CAPNS1: variants seen among roughly 807,000 people sequenced by gnomAD.
CAPNS1 encodes calpain small subunit 1.
A neutral mutation model predicts 39.2 loss-of-function variants in CAPNS1; 32 were observed. The observed-to-expected ratio is 0.82, with a 90% CI of 0.62 to 1.10. The LOEUF is 1.10. CAPNS1 is among the 50% of genes least tolerant of loss of function. CAPNS1 has a pLI of 0.00. For synonymous variants in CAPNS1, 153 were observed against 136.2 expected (o/e 1.12, Z -0.86); for missense variants, 353 against 373.1 (o/e 0.95, Z 0.44).
Position 36,150,245 on chromosome 19 carries a change from C to T in CAPNS1, c.*406C>T. Reference sequence around the variant, plus strand: ...CCTTCACGGTTGCTACCCAGGCGGCCAAGCTCCAGACCGTGCCAGACCCAG... The same window carrying T: ...CCTTCACGGTTGCTACCCAGGCGGCTAAGCTCCAGACCGTGCCAGACCCAG... On this transcript the variant is annotated 3_prime_UTR_variant, in exon 11 of 11. Transcript: ENST00000246533. 5.5e-6 allele frequency: 1 copy of T among 181,112 alleles called. No individual in the cohort carries two copies. 11.2% of individuals were successfully genotyped at this position (181,112 alleles called of 1,614,324 possible). A position where few individuals can be genotyped will look rare whatever the true frequency, so the allele number is the denominator to read the frequency against.
Position 36,142,657 on chromosome 19 carries a change from A to G in CAPNS1, c.249A>G (p.Pro83=), listed in dbSNP as rs116114216. ...GAGCTCTCCTCCCTTTGCAGCCCCC[A>G]CGCACACATTACTCCAACATTGAGG... is the stretch of plus-strand genomic sequence containing the variant. ...AAQYNPEPPP[P]RTHYSNIEAN... Residue 83 remains proline (P), a synonymous_variant, in exon 4 of 11, where the codon CCA becomes CCG. Transcript: ENST00000246533. 86 of 1,613,548 alleles carry G rather than the reference A, an allele frequency of 5.3e-5. No individual in the cohort carries two copies. Among genetic ancestry groups the G allele is most frequent in the Middle Eastern group, 3.3e-4 (2 of 6,062 alleles).
chr19:36,141,056 CG>C lies in CAPNS1; in HGVS notation c.50del (p.Gly17GlufsTer16). The stretch of plus-strand genomic sequence containing the variant: ...TCTTGAAGGGCGGCGGCGGCGGCGG[CG>C]GGGGAGGCGGGGGCCTGGGTGGGGG... Reference protein sequence around the residue: ...SFLKGGGGGGGGGGGLGGGLG... With the variant: ...SFLKGGGGGGXGGGGLGGGLG... On this transcript the variant is annotated frameshift_variant, in exon 2 of 11. Transcript: ENST00000246533. LOFTEE classifies it high-confidence loss of function. 1 of 552,604 alleles carries C rather than the reference CG, an allele frequency of 1.8e-6. No individual in the cohort carries two copies. Among genetic ancestry groups the C allele is most frequent in the Non-Finnish European group, 3.0e-6 (1 of 337,470 alleles). The allele number at this position is 552,604 out of a possible 1,614,324, so 34.2% of individuals were successfully genotyped here.
chr19:36,142,355 AC>A, intron 3 of CAPNS1, 22 bp downstream of exon 3: 6 of 1,328,362 alleles, frequency 4.5e-6, no homozygotes, highest in Non-Finnish European at 6.2e-6. Context: ...CTGCAACCAG[AC>A]CCCCTTCTCC....
At position 36,141,065 on chromosome 19, in the gene CAPNS1, CGGGGGCCTGGGT is replaced by C. The variant is rs760030225; in HGVS notation, c.66_77del (p.Gly23_Gly26del). 35 of 524,270 alleles carry C rather than the reference CGGGGGCCTGGGT, an allele frequency of 6.7e-5. No individual in the cohort carries two copies. The highest frequency in any genetic ancestry group is 9.9e-5 in the Non-Finnish European group (31 of 313,358). The allele number at this position is 524,270 out of a possible 1,614,324, so 32.5% of individuals were successfully genotyped here. A position where few individuals can be genotyped will look rare whatever the true frequency, so the allele number is the denominator to read the frequency against. Reference sequence around the variant, plus strand: ...GCGGCGGCGGCGGCGGCGGGGGAGGCGGGGGCCTGGGTGGGGGCCTGGGAAATGTGCTTGGAG... The same window carrying C: ...GCGGCGGCGGCGGCGGCGGGGGAGGCGGGGGCCTGGGAAATGTGCTTGGAG... On this transcript the variant is annotated inframe_deletion, in exon 2 of 11. Coordinates refer to ENST00000246533, the MANE Select transcript of CAPNS1 (RefSeq NM_001749.4).
rs552894116 is a variant in CAPNS1, at chr19:36,145,418, TG to T, written c.457-386del. The T allele has an allele frequency of 4.1e-3, 792 of 194,458 alleles. 11 individuals are homozygous for T. The highest frequency in any genetic ancestry group is 5.5e-3 in the Non-Finnish European group (505 of 92,618). 12.0% of individuals were successfully genotyped at this position (194,458 alleles called of 1,614,324 possible). A position where few individuals can be genotyped will look rare whatever the true frequency, so the allele number is the denominator to read the frequency against. On this transcript the variant is annotated intron_variant, in intron 6 of 10. Coordinates refer to ENST00000246533, the MANE Select transcript of CAPNS1 (RefSeq NM_001749.4). ...CGGGATTTCATCATGTTGGCCAGGC[TG>T]GTCTCGAACTCCTGACCTCAAGTGA...
chr19:36,140,898 T>A, intron 1 of CAPNS1, 99 bp from the exon 2 acceptor site: 1 of 1,556,022 alleles, frequency 6.4e-7, no homozygotes, highest in South Asian at 1.1e-5. Context: ...ACCCGGAGGC[T>A]TCAGATTCCT....
In CAPNS1 at chr19:36,142,333, G is replaced by T. The variant is rs751850033; in HGVS notation, c.243G>T (p.Pro81=). 2.1e-6 allele frequency: 3 copies of T among 1,461,420 alleles called. No individual in the cohort carries two copies. The highest frequency in any genetic ancestry group is 2.7e-6 in the Non-Finnish European group (3 of 1,092,498). 90.5% of individuals were successfully genotyped at this position (1,461,420 alleles called of 1,614,324 possible). The change falls in exon 3 of 11, where the codon CCG becomes CCT. Residue 81 remains proline (P), a splice_region_variant and synonymous_variant. Transcript: ENST00000246533. ...CTGCGCAGTACAACCCGGAGCCCCCGGTAAGCCCCCTCTGCAACCAGACCC... is the reference window on the plus strand; with the variant it reads ...CTGCGCAGTACAACCCGGAGCCCCCTGTAAGCCCCCTCTGCAACCAGACCC... ...EAAAQYNPEP[P]PPRTHYSNIE...
At chr19:36,140,746 A>C (rs17882128) in intron 1 of CAPNS1, 3 of 435,710 alleles carry the variant, frequency 6.9e-6, no homozygotes, top group Non-Finnish European at 1.2e-5. Flanking sequence ...CCAGATCTGC[A>C]CCCTCCCCTT....
At chr19:36,140,955 C>T (rs1974334172) in intron 1 of CAPNS1, 42 bp from the exon 2 acceptor site, 1 of 1,591,404 alleles carries the variant, frequency 6.3e-7, no homozygotes, top group Middle Eastern at 2.3e-4. Context: ...AGGGTGTGGG[C>T]TCAGGGGCGA....
chr19:36,146,073 T>TGCTGGG lies in CAPNS1; in HGVS notation c.604+26_604+31dup. On this transcript the variant is annotated intron_variant, in intron 8 of 10. Transcript: ENST00000246533. ...GCAGCAGGTATGGCTGGCAGGGACA[T>TGCTGGG]GCTGGGGCTGGGAGTGGGATGGGTG... is the stretch of plus-strand genomic sequence containing the variant. 1 of 1,613,308 alleles carries TGCTGGG rather than the reference T, an allele frequency of 6.2e-7. No individual in the cohort carries two copies. The highest frequency in any genetic ancestry group is 8.5e-7 in the Non-Finnish European group (1 of 1,179,312).
In CAPNS1 at chr19:36,150,158, G is replaced by A. The variant is rs1286977890; in HGVS notation, c.*319G>A. ...AGCCTAGCACTTGTGATGCCTCCAT[G>A]CCCCGAGGGCCCTCTCTCAGTTCTG... On this transcript the variant is annotated 3_prime_UTR_variant, in exon 11 of 11. Coordinates refer to ENST00000246533, the MANE Select transcript of CAPNS1 (RefSeq NM_001749.4). The A allele has an allele frequency of 7.1e-6, 2 of 282,080 alleles. No individual in the cohort carries two copies. Among genetic ancestry groups the A allele is most frequent in the African/African-American group, 2.2e-5 (1 of 45,706 alleles). The allele number at this position is 282,080 out of a possible 1,614,324, so 17.5% of individuals were successfully genotyped here.
intron 6 of CAPNS1, 70 bp downstream of exon 6, chr19:36,143,198 C>CA: frequency 2.2e-6 from 3 of 1,349,142 alleles, no homozygotes; most frequent in Non-Finnish European, 1.1e-6. Flanking sequence ...GTTTGGGAAG[C>CA]CAACATGTAG....
rs200464197 is a variant in CAPNS1, at chr19:36,149,857, G to A, written c.*18G>A. 3.3e-5 allele frequency: 47 copies of A among 1,440,556 alleles called. No homozygotes were observed. Among genetic ancestry groups the A allele is most frequent in the South Asian group, 7.8e-5 (5 of 64,174 alleles). 89.2% of individuals were successfully genotyped at this position (1,440,556 alleles called of 1,614,324 possible). A position where few individuals can be genotyped will look rare whatever the true frequency, so the allele number is the denominator to read the frequency against. ...ATTCCTGAACTGGAGCCCCAGACCC[G>A]CCCCCTCACTGCCTTGCTATAGGAG... On this transcript the variant is annotated 3_prime_UTR_variant, in exon 11 of 11. Coordinates refer to ENST00000246533, the MANE Select transcript of CAPNS1 (RefSeq NM_001749.4).
In CAPNS1 at chr19:36,145,851, T is replaced by A; in HGVS notation, c.502T>A (p.Trp168Arg). The A allele has an allele frequency of 6.2e-7, 1 of 1,614,156 alleles. No individual in the cohort carries two copies. Among genetic ancestry groups the A allele is most frequent in the South Asian group, 1.1e-5 (1 of 91,080 alleles). ...KLGFEEFKYL[W>R]NNIKRWQAIY... The stretch of plus-strand genomic sequence containing the variant: ...GGGCTTTGAGGAATTCAAGTACTTG[T>A]GGAACAACATCAAAAGGTGGCAGGT... The change falls in exon 7 of 11, where the codon TGG becomes AGG. Residue 168 changes from tryptophan (W) to arginine (R), a missense_variant. Coordinates refer to ENST00000246533, the MANE Select transcript of CAPNS1 (RefSeq NM_001749.4).
rs1488027799 is a variant in CAPNS1, at chr19:36,140,989, C to T, written c.-15-8C>T. The T allele has an allele frequency of 8.1e-6, 13 of 1,597,942 alleles. No individual in the cohort carries two copies. The Admixed American group carries it at 8.4e-5, about 10-fold the overall frequency. On this transcript the variant is annotated splice_region_variant and splice_polypyrimidine_tract_variant and intron_variant, in intron 1 of 10. Transcript: ENST00000246533. ...GAAGCACCCACTGGTCCCCTTTTTTCCCCCCAGCAGTGAGTCGCAGCCATG... is the reference window on the plus strand; with the variant it reads ...GAAGCACCCACTGGTCCCCTTTTTTTCCCCCAGCAGTGAGTCGCAGCCATG...
At chr19:36,144,483 G>A (rs1023971796) in intron 6 of CAPNS1, among the ~76,000 whole-genome samples, 1 of 152,172 alleles carries the variant, frequency 6.6e-6, no homozygotes, top group African/African-American at 2.4e-5. Context: ...AGGGACACAC[G>A]TGTTATCTGT....
rs1974567759 is a variant in CAPNS1, at chr19:36,146,328, G to A, written c.721+16G>A. The stretch of plus-strand genomic sequence containing the variant: ...GCCATGTTCCGTGAGTGACAACCCA[G>A]CTGTCTTCCTGGGTGGGGATTCCTA... On this transcript the variant is annotated intron_variant, in intron 9 of 10. Coordinates refer to ENST00000246533, the MANE Select transcript of CAPNS1 (RefSeq NM_001749.4). The A allele has an allele frequency of 5.8e-6, 9 of 1,554,574 alleles. No individual in the cohort carries two copies. The South Asian group carries it at 8.9e-5, about 15-fold the overall frequency.
At chr19:36,140,315 C>G (rs1029166974) in intron 1 of CAPNS1, 158 bp downstream of exon 1, 5 of 152,350 alleles carry the variant, frequency 3.3e-5, no homozygotes, top group African/African-American at 1.2e-4. Context: ...TATGCCGTCC[C>G]GGGGACCCTT....
At chr19:36,146,406 C>G (rs562006805) in intron 9 of CAPNS1, 94 bp downstream of exon 9, 9 of 803,626 alleles carry the variant, frequency 1.1e-5, no homozygotes, top group African/African-American at 6.7e-5. Flanking sequence ...GTGGGCGATG[C>G]TAGGGGCACA....
Sources: gnomAD v4.1 joint callset for allele counts (sites outside exome capture counted in the v4.1 genomes callset) on GRCh38, gnomAD v4.1.1 for gene constraint, MANE v1.5 for transcripts, NCBI Gene and HGNC (gene_info 2026-07-23, HGNC 2026-07-21) for gene names.